The following VPS54 variants were observed in gnomAD, a reference collection of about 807,000 sequenced individuals.
The protein encoded by VPS54 is VPS54 subunit of GARP complex.
VPS54 carries 45 observed loss-of-function variants against 121.5 expected under a neutral mutation model. The observed-to-expected ratio is 0.37, with a 90% CI of 0.29 to 0.47. The LOEUF is 0.47. VPS54 is among the 20% of genes least tolerant of loss of function. VPS54 has a pLI of 0.99. For missense variants in VPS54, 1,090 were observed against 1,131.4 expected (o/e 0.96, Z 0.52); for synonymous variants, 371 against 385.8 (o/e 0.96, Z 0.45).
chr2:63,900,670 C>T (rs1344524426), intron 20 of VPS54, among the ~76,000 whole-genome samples: 2 of 152,172 alleles, frequency 1.3e-5, no homozygotes, highest in Non-Finnish European at 2.9e-5. Context: ...GAGCTGCCCA[C>T]CTGAGGTGTT....
chr2:63,920,931 A>G (rs1268974037), intron 13 of VPS54, among the ~76,000 whole-genome samples: 1 of 152,160 alleles, frequency 6.6e-6, no homozygotes, highest in Non-Finnish European at 1.5e-5. Context: ...CTTACTATAT[A>G]TGTAAAACAA....
At chr2:64,017,169 C>A (rs889876528) in intron 1 of VPS54, among the ~76,000 whole-genome samples, 12 of 151,476 alleles carry the variant, frequency 7.9e-5, no homozygotes, top group African/African-American at 2.7e-4. Context: ...GTGAAACCCC[C>A]GTCTCTACTA....
intron 20 of VPS54, among the ~76,000 whole-genome samples, chr2:63,908,978 A>T (rs756385359): frequency 3.9e-5 from 6 of 152,204 alleles, no homozygotes; most frequent in Non-Finnish European, 7.4e-5. Flanking sequence ...ATGTTTGCTT[A>T]TGCTGTTATC....
intron 7 of VPS54, among the ~76,000 whole-genome samples, chr2:63,960,218 G>C (rs1036792047): frequency 1.3e-4 from 20 of 151,938 alleles, no homozygotes; most frequent in African/African-American, 2.4e-5. Context: ...AGCCTGGGCA[G>C]CAGAATAAAA....
intron 11 of VPS54, among the ~76,000 whole-genome samples, chr2:63,938,064 G>GTGTGTGTGTGTGTGTGTGTT (rs1674542395): frequency 6.6e-6 from 1 of 150,608 alleles, no homozygotes; most frequent in Admixed American, 6.6e-5. Context: ...TGTGTGGTGT[G>GTGTGTGTGTGTGTGTGTGTT]TGTGTGTGTG....
chr2:63,901,960 A>G (rs577302908), intron 20 of VPS54, among the ~76,000 whole-genome samples: 32 of 152,326 alleles, frequency 2.1e-4, no homozygotes, highest in African/African-American at 7.7e-4. Context: ...AGTTGCAGTG[A>G]GCTGAGATCA....
intron 1 of VPS54, among the ~76,000 whole-genome samples, chr2:63,989,605 T>C (rs1677220044): frequency 1.3e-5 from 2 of 152,168 alleles, no homozygotes; most frequent in Admixed American, 1.3e-4. Context: ...CCCGATTCCC[T>C]TTGGTAGGTG....
At position 63,921,225 on chromosome 2, in the gene VPS54, A is replaced by G. The variant is rs768818398; in HGVS notation, c.1850T>C (p.Phe617Ser). 7 of 1,608,184 alleles carry G rather than the reference A, an allele frequency of 4.4e-6. No homozygotes were observed. Among genetic ancestry groups the G allele is most frequent in the African/African-American group, 1.3e-5 (1 of 74,952 alleles). ...AGCTACCTTTGCTCTTGACATGAGA[A>G]ATTTGACAGCTCGATCATGGCATAT... The part of the protein sequence containing the change: ...SDICHDRAVK[F>S]LMSRAKDGFL... Residue 617 changes from phenylalanine (F) to serine (S), a missense_variant, in exon 13 of 23, where the codon TTT (phenylalanine) becomes TCT (serine). Transcript: ENST00000272322.
intron 7 of VPS54, among the ~76,000 whole-genome samples, chr2:63,952,980 A>G (rs1675323741): frequency 6.6e-6 from 1 of 152,104 alleles, no homozygotes; most frequent in Admixed American, 6.5e-5. Context: ...ATAAATCACA[A>G]TGCATTTATT....
Position 63,962,459 on chromosome 2 carries a change from A to G in VPS54, c.625-16T>C. ...AATGGCTCAGCTTAAAAGAGAAGGAAAAAAAATATGAAGTACTATGAGCAT... is the reference window on the plus strand; with the variant it reads ...AATGGCTCAGCTTAAAAGAGAAGGAGAAAAAATATGAAGTACTATGAGCAT... On this transcript the variant is annotated splice_polypyrimidine_tract_variant and intron_variant, in intron 6 of 22. Coordinates refer to ENST00000272322, the MANE Select transcript of VPS54 (RefSeq NM_016516.3). 1 of 1,587,136 alleles carries G rather than the reference A, an allele frequency of 6.3e-7. No individual in the cohort carries two copies.
intron 14 of VPS54, 78 bp downstream of exon 14, chr2:63,920,368 T>A: frequency 7.6e-7 from 1 of 1,307,300 alleles, no homozygotes; most frequent in Non-Finnish European, 9.9e-7. Context: ...GCCAATTAGG[T>A]TTCCTCTTTT....
At chr2:63,985,819 A>T (rs1442761687) in intron 1 of VPS54, among the ~76,000 whole-genome samples, 1 of 152,304 alleles carries the variant, frequency 6.6e-6, no homozygotes, top group African/African-American at 2.4e-5. Flanking sequence ...GAAAATTAAG[A>T]GTCTTTGAAA....
At chr2:63,928,854 G>C (rs1343848874) in intron 12 of VPS54, among the ~76,000 whole-genome samples, 7 of 132,876 alleles carry the variant, frequency 5.3e-5, no homozygotes, top group Non-Finnish European at 9.4e-5. Context: ...AAAAAAAAAA[G>C]CAGGGGTTGC....
At chr2:64,018,293 A>G (rs1158888417) in intron 1 of VPS54, among the ~76,000 whole-genome samples, 3 of 152,216 alleles carry the variant, frequency 2.0e-5, no homozygotes, top group Non-Finnish European at 4.4e-5. Context: ...TGCTAAAAAT[A>G]CCATCTTGAA....
intron 6 of VPS54, among the ~76,000 whole-genome samples, chr2:63,965,605 G>A (rs1301439759): frequency 6.6e-6 from 1 of 152,162 alleles, no homozygotes; most frequent in Non-Finnish European, 1.5e-5. Context: ...GCTCTTTCAG[G>A]TAAGAAGCAC....
At chr2:63,969,952 T>C (rs905422217) in intron 4 of VPS54, among the ~76,000 whole-genome samples, 70 of 152,162 alleles carry the variant, frequency 4.6e-4, no homozygotes, top group African/African-American at 1.6e-3. Flanking sequence ...TTCTCAGACA[T>C]CTTAAGGCTG....
At chr2:63,910,877 T>G (rs1244371634) in intron 20 of VPS54, among the ~76,000 whole-genome samples, 1 of 152,174 alleles carries the variant, frequency 6.6e-6, no homozygotes, top group Non-Finnish European at 1.5e-5. Flanking sequence ...TTTTCTTCAT[T>G]GTATTCCACA....
chr2:63,918,876 C>A (rs1192448783), intron 15 of VPS54, among the ~76,000 whole-genome samples: 1 of 152,014 alleles, frequency 6.6e-6, no homozygotes, highest in African/African-American at 2.4e-5. Context: ...TTACTAAGCA[C>A]TGAACTGCAA....
intron 12 of VPS54, among the ~76,000 whole-genome samples, chr2:63,925,054 G>A (rs1478854193): frequency 6.6e-6 from 1 of 152,172 alleles, no homozygotes; most frequent in African/African-American, 2.4e-5. Context: ...GGAAAGTAAT[G>A]AATCATAGAA....
Sources: gnomAD v4.1 joint callset for allele counts (sites outside exome capture counted in the v4.1 genomes callset) on GRCh38, gnomAD v4.1.1 for gene constraint, MANE v1.5 for transcripts, NCBI Gene and HGNC (gene_info 2026-07-23, HGNC 2026-07-21) for gene names.